The following APOL1 variants were observed in gnomAD, a reference collection of about 807,000 sequenced individuals.
The protein encoded by APOL1 is apolipoprotein L1.
Under a neutral mutation model 14.9 loss-of-function variants are expected in APOL1, and 17 were observed. The observed-to-expected ratio is 1.14, with a 90% confidence interval of 0.78 to 1.71. The LOEUF is 1.71. APOL1 is among the 40% of genes most tolerant of loss of function. APOL1 has a pLI of 0.00. For missense variants in APOL1, 523 were observed against 485.9 expected, an observed-to-expected ratio of 1.08 and a Z score of -0.72; for synonymous variants, 195 against 184.8, an observed-to-expected ratio of 1.05 and a Z score of -0.45.
chr22:36,258,491 T>C (rs2015966383), intron 4 of APOL1, among the ~76,000 whole-genome samples: 1 of 152,240 alleles, frequency 6.6e-6, no homozygotes, highest in Non-Finnish European at 1.5e-5. Flanking sequence ...CTGGTCACGT[T>C]GGTGCCAGTG....
Position 36,265,385 on chromosome 22 carries a change from C to A in APOL1, c.549C>A (p.Ser183Arg). 6.2e-7 allele frequency: 1 copy of A among 1,613,176 alleles called. No homozygotes were observed. The highest frequency in any genetic ancestry group is 8.5e-7 in the Non-Finnish European group (1 of 1,179,430). ...CCAATGTGGTGTCTGGCTCTCTCAG[C>A]ATTTCCTCTGGCATCCTGACCCTCG... ...TIANVVSGSL[S>R]ISSGILTLVG... is the part of the protein sequence containing the mutation. The change falls in exon 6 of 6, where the codon AGC becomes AGA. Residue 183 changes from serine to arginine, a missense_variant. Ser to Arg is a moderately radical substitution (Grantham distance 110). Transcript: ENST00000397278.
chr22:36,264,184 G>A (rs919460593), intron 5 of APOL1, among the ~76,000 whole-genome samples: 3 of 152,178 alleles, frequency 2.0e-5, no homozygotes, highest in South Asian at 2.1e-4. Flanking sequence ...TGCTGGGGCT[G>A]GATCACAAGC....
chr22:36,257,199 T>C, intron 3 of APOL1, 63 bp downstream of exon 3: 1 of 1,611,406 alleles, frequency 6.2e-7, no homozygotes. Context: ...TGGTTTAGGT[T>C]GGTCTTGGTG....
Position 36,265,551 on chromosome 22 carries a change from C to T in APOL1, c.715C>T (p.Gln239Ter), listed in dbSNP as rs1322226418. The change falls in exon 6 of 6, where the codon CAA (glutamine) becomes TAA (stop). Residue 239 changes from glutamine to a stop codon, truncating the protein, a stop_gained. Transcript: ENST00000397278. LOFTEE classifies it low-confidence loss of function (END_TRUNC). ...CGGAAAGAAGTGGTGGACACAAGCC[C>T]AAGCCCACGACCTGGTCATCAAAAG... is the stretch of plus-strand genomic sequence containing the variant. ...DYGKKWWTQA[Q>*]AHDLVIKSLD... 2.5e-6 allele frequency: 4 copies of T among 1,606,224 alleles called. No homozygotes were observed. The highest frequency in any genetic ancestry group is 3.4e-6 in the Non-Finnish European group (4 of 1,176,192).
intron 2 of APOL1, 119 bp from the exon 3 acceptor site, chr22:36,256,964 G>A: frequency 9.4e-7 from 1 of 1,060,110 alleles, no homozygotes; most frequent in Non-Finnish European, 1.4e-6. Flanking sequence ...ATGCTCCCAG[G>A]CCCTGGTCAT....
At chr22:36,258,176 G>A (rs975453845) in intron 4 of APOL1, among the ~76,000 whole-genome samples, 5 of 151,352 alleles carry the variant, frequency 3.3e-5, no homozygotes, top group African/African-American at 4.9e-5. Context: ...TAGGGCACCC[G>A]CCCTGCCCTG....
At position 36,263,812 on chromosome 22, in the gene APOL1, A is replaced by C. The variant is rs145335027; in HGVS notation, c.315-1339A>C. 5.7e-3 allele frequency among the ~76,000 whole-genome samples: 866 copies of C among 152,296 alleles called. 12 individuals are homozygous for C. Among genetic ancestry groups the C allele is most frequent in the African/African-American group, 0.02 (826 of 41,544 alleles). On this transcript the variant is annotated intron_variant, in intron 5 of 5. Transcript: ENST00000397278. ...AAAGACAGAGGGGGAGTCACAGCCA[A>C]CACCAGGGTGGGGGCGGGAGATGGA...
Position 36,265,343 on chromosome 22 carries a change from CA to C in APOL1, c.510del (p.Gly171AlafsTer19), listed in dbSNP as rs757661619. The C allele has an allele frequency of 8.1e-6, 13 of 1,611,602 alleles. No homozygotes were observed. Among genetic ancestry groups the C allele is most frequent in the Middle Eastern group, 1.6e-4 (1 of 6,078 alleles). On this transcript the variant is annotated frameshift_variant, in exon 6 of 6. Transcript: ENST00000397278. LOFTEE classifies it low-confidence loss of function (END_TRUNC). The stretch of plus-strand genomic sequence containing the variant: ...TTGCAGATGGGGTTCAGAAGGTCCA[CA>C]AAGGCACCACCATCGCCAATGTGGT... ...ALADGVQKVH[K>X]GTTIANVVSG...
In APOL1 at chr22:36,266,357, G is replaced by T; in HGVS notation, c.*324G>T. On this transcript the variant is annotated 3_prime_UTR_variant, in exon 6 of 6. Coordinates refer to ENST00000397278, the MANE Select transcript of APOL1 (RefSeq NM_003661.4). ...GCCCACCTTGGCCTCCCAAAGTGCT[G>T]GGATTACAGGCGTGAGCCATCGCTT... The T allele has an allele frequency of 2.4e-6, 1 of 416,066 alleles. No homozygotes were observed. Among genetic ancestry groups the T allele is most frequent in the Non-Finnish European group, 4.2e-6 (1 of 236,138 alleles). 25.8% of individuals were successfully genotyped at this position (416,066 alleles called of 1,614,324 possible).
In APOL1 at chr22:36,267,350, T is replaced by C. The variant is rs553871408; in HGVS notation, c.*1317T>C. 2 of 151,944 alleles carry C rather than the reference T, an allele frequency of 1.3e-5. No individual in the cohort carries two copies. Among genetic ancestry groups the C allele is most frequent in the African/African-American group, 4.8e-5 (2 of 41,412 alleles). The allele number at this position is 151,944 out of a possible 1,614,324, so 9.4% of individuals were successfully genotyped here. ...CTGAGAACCCAAACTTCCCAGAGAGTATGTGAGAACCAACCAATGAAAACA... is the reference window on the plus strand; with the variant it reads ...CTGAGAACCCAAACTTCCCAGAGAGCATGTGAGAACCAACCAATGAAAACA... On this transcript the variant is annotated 3_prime_UTR_variant, in exon 6 of 6. Transcript: ENST00000397278.
At chr22:36,255,032 G>T in intron 2 of APOL1, 33 bp downstream of exon 2, 1 of 1,597,462 alleles carries the variant, frequency 6.3e-7, no homozygotes, top group Non-Finnish European at 8.6e-7. Context: ...AGGCGGGAGG[G>T]AGGGCTCCCT....
At chr22:36,263,305 T>G (rs913602872) in intron 5 of APOL1, among the ~76,000 whole-genome samples, 6 of 152,250 alleles carry the variant, frequency 3.9e-5, no homozygotes, top group Admixed American at 3.3e-4. Flanking sequence ...AGGGAGCAGA[T>G]GCCAGGCAAA....
intron 2 of APOL1, among the ~76,000 whole-genome samples, chr22:36,256,171 T>C (rs1184659604): frequency 6.6e-6 from 1 of 152,118 alleles, no homozygotes; most frequent in Non-Finnish European, 1.5e-5. Flanking sequence ...ATATGTTGTG[T>C]ATATGTTTTG....
At chr22:36,257,888 G>T (rs1358044219) in intron 4 of APOL1, among the ~76,000 whole-genome samples, 1 of 152,140 alleles carries the variant, frequency 6.6e-6, no homozygotes, top group Non-Finnish European at 1.5e-5. Flanking sequence ...GTGGCCCTGT[G>T]GGAATGTATC....
In APOL1 at chr22:36,265,872, G is replaced by C. The variant is rs1423863636; in HGVS notation, c.1036G>C (p.Val346Leu). The C allele has an allele frequency of 1.2e-6, 2 of 1,614,200 alleles. No homozygotes were observed. The highest frequency in any genetic ancestry group is 1.7e-6 in the Non-Finnish European group (2 of 1,180,034). ...TGTGGCCCCTGTAAGCTTCTTTCTT[G>C]TGCTGGATGTAGTCTACCTCGTGTA... ...TDVAPVSFFL[V>L]LDVVYLVYES... is the part of the protein sequence containing the mutation. The change falls in exon 6 of 6, where the codon GTG (valine) becomes CTG (leucine). Residue 346 changes from valine to leucine, a missense_variant. By Grantham distance (32) the Val-to-Leu change is conservative. Transcript: ENST00000397278.
chr22:36,266,614 T>C lies in APOL1; in HGVS notation c.*581T>C. On this transcript the variant is annotated 3_prime_UTR_variant, in exon 6 of 6. Transcript: ENST00000397278. ...AAGCAGTTTACTTTAGACTAAAGAA[T>C]ATATTGGGGGGCCGGGTGTAGTGGC... 1 of 397,668 alleles carries C rather than the reference T, an allele frequency of 2.5e-6. No homozygotes were observed. The highest frequency in any genetic ancestry group is 4.4e-6 in the Non-Finnish European group (1 of 225,736). 24.6% of individuals were successfully genotyped at this position (397,668 alleles called of 1,614,324 possible). A position where few individuals can be genotyped will look rare whatever the true frequency, so the allele number is the denominator to read the frequency against.
rs78940779 is a variant in APOL1 at position 36,257,699 on chromosome 22, G to C, written c.187+292G>C. On this transcript the variant is annotated intron_variant, in intron 4 of 5. Coordinates refer to ENST00000397278, the MANE Select transcript of APOL1 (RefSeq NM_003661.4). ...ATCCTTGGGGAAGTGGAATCAGCGG[G>C]GGGGGGGGGGAGTGTGGGGAGAGCA... is the stretch of plus-strand genomic sequence containing the variant. 200 of 299,266 alleles carry C rather than the reference G, an allele frequency of 6.7e-4. 11 individuals carry two copies. Among genetic ancestry groups the C allele is most frequent in the Non-Finnish European group, 9.7e-4 (150 of 154,766 alleles). The allele number at this position is 299,266 out of a possible 1,614,324, so 18.5% of individuals were successfully genotyped here. A position where few individuals can be genotyped will look rare whatever the true frequency, so the allele number is the denominator to read the frequency against.
In APOL1 at chr22:36,265,300, T is replaced by G; in HGVS notation, c.464T>G (p.Ile155Arg). The change falls in exon 6 of 6, where the codon ATA becomes AGA. Residue 155 changes from isoleucine to arginine, a missense_variant. By Grantham distance (97) the Ile-to-Arg change is moderately conservative. Transcript: ENST00000397278. ...PRLKSELEDN[I>R]RRLRALADGV... is the part of the protein sequence containing the mutation. ...TTGAAAAGTGAGCTTGAGGATAACA[T>G]AAGAAGGCTCCGTGCCCTTGCAGAT... 6.2e-7 allele frequency: 1 copy of G among 1,613,752 alleles called. No individual in the cohort carries two copies. The highest frequency in any genetic ancestry group is 1.7e-5 in the Admixed American group (1 of 59,940).
At position 36,257,696 on chromosome 22, in the gene APOL1, C is replaced by CGAG. The variant is rs2015932010; in HGVS notation, c.187+290_187+291insAGG. The CGAG allele has an allele frequency of 1.4e-5, 3 of 211,730 alleles. No homozygotes were observed. In the African/African-American group the frequency reaches 1.6e-4, roughly 12 times the overall value. The allele number at this position is 211,730 out of a possible 1,614,324, so 13.1% of individuals were successfully genotyped here. A position where few individuals can be genotyped will look rare whatever the true frequency, so the allele number is the denominator to read the frequency against. ...GACATCCTTGGGGAAGTGGAATCAG[C>CGAG]GGGGGGGGGGGGGAGTGTGGGGAGA... is the stretch of plus-strand genomic sequence containing the variant. On this transcript the variant is annotated intron_variant, in intron 4 of 5. Coordinates refer to ENST00000397278, the MANE Select transcript of APOL1 (RefSeq NM_003661.4).
Sources: allele counts gnomAD v4.1 joint callset (sites outside exome capture counted in the v4.1 genomes callset), GRCh38; gene constraint gnomAD v4.1.1; transcripts MANE v1.5; gene names NCBI Gene and HGNC (gene_info 2026-07-23, HGNC 2026-07-21).